TFDP2: variants seen among roughly 807,000 people sequenced by gnomAD.
TFDP2 encodes the protein transcription factor Dp-2 (E2F dimerization partner 2).
A neutral mutation model predicts 59.3 loss-of-function variants in TFDP2; 17 were observed. The ratio of observed to expected loss-of-function variants is 0.29; its 90% CI spans 0.20 to 0.43. The LOEUF is 0.43. Ranked by LOEUF, TFDP2 falls within the 20% of genes least tolerant of loss-of-function variation. TFDP2 has a pLI of 1.00. For synonymous variants in TFDP2, 180 were observed against 194.7 expected, an observed-to-expected ratio of 0.92 and a Z score of 0.63; for missense variants, 391 against 528.8, an observed-to-expected ratio of 0.74 and a Z score of 2.56.
intron 3 of TFDP2, among the ~76,000 whole-genome samples, chr3:142,013,248 T>C (rs1392899960): frequency 6.6e-6 from 1 of 152,180 alleles, no homozygotes; most frequent in East Asian, 1.9e-4. Flanking sequence ...ATGATTCTTA[T>C]AAGTAGTAAA....
chr3:142,062,255 C>T (rs1441209136), intron 3 of TFDP2, among the ~76,000 whole-genome samples: 1 of 151,894 alleles, frequency 6.6e-6, no homozygotes. Context: ...TTCATGTTAT[C>T]GGTAAGGCTT....
chr3:142,117,251 G>T (rs2061880895), intron 1 of TFDP2, among the ~76,000 whole-genome samples: 1 of 152,062 alleles, frequency 6.6e-6, no homozygotes, highest in East Asian at 1.9e-4. Flanking sequence ...TTCCAGGTTT[G>T]TAGAACAATG....
intron 2 of TFDP2, among the ~76,000 whole-genome samples, chr3:142,096,012 T>A (rs1178567301): frequency 6.6e-6 from 1 of 152,234 alleles, no homozygotes; most frequent in Non-Finnish European, 1.5e-5. Context: ...AGAGTTCAGT[T>A]ACTGGGTTAC....
In TFDP2 at chr3:141,988,883, G is replaced by A. The variant is rs545930923; in HGVS notation, c.356+4655C>T. On this transcript the variant is annotated intron_variant, in intron 6 of 12. Transcript: ENST00000489671. ...TCACCATGTGGGCCAGGATGGTCTC[G>A]AACTGATCCGCCTGCCTCAGCCTCC... Among the ~76,000 whole-genome samples, 95 of 151,594 alleles carry A rather than the reference G, an allele frequency of 6.3e-4. 3 individuals are homozygous for A. The highest frequency in any genetic ancestry group is 6.8e-3 in the Middle Eastern group (2 of 294).
chr3:141,944,838 T>C lies in TFDP2; in HGVS notation c.*7675A>G, dbSNP rs1262943379. The stretch of plus-strand genomic sequence containing the variant: ...CTATAAAATTTCCATATAAAAATAA[T>C]GGCATTTATTTACAAAGTCTGAGAT... On this transcript the variant is annotated 3_prime_UTR_variant, in exon 13 of 13. Coordinates refer to ENST00000489671, the MANE Select transcript of TFDP2 (RefSeq NM_001178139.2). 6.6e-6 allele frequency: 1 copy of C among 152,208 alleles called. No homozygotes were observed. Among genetic ancestry groups the C allele is most frequent in the Non-Finnish European group, 1.5e-5 (1 of 68,042 alleles). The allele number at this position is 152,208 out of a possible 1,614,324, so 9.4% of individuals were successfully genotyped here. A position where few individuals can be genotyped will look rare whatever the true frequency, so the allele number is the denominator to read the frequency against.
chr3:142,011,931 G>A (rs143887735), intron 3 of TFDP2, among the ~76,000 whole-genome samples: 235 of 152,018 alleles, frequency 1.5e-3, no homozygotes, highest in African/African-American at 5.3e-3. Flanking sequence ...TAATTAGAGA[G>A]GAATAAACTG....
intron 3 of TFDP2, among the ~76,000 whole-genome samples, chr3:142,058,540 G>A (rs1366445763): frequency 1.3e-5 from 2 of 152,086 alleles, no homozygotes; most frequent in South Asian, 2.1e-4. Flanking sequence ...CAAATTTGAG[G>A]GTTCCCATGA....
intron 7 of TFDP2, among the ~76,000 whole-genome samples, chr3:141,975,576 G>C (rs115988151): frequency 0.074 from 11,280 of 151,758 alleles, 520 homozygotes; most frequent in Non-Finnish European, 0.11. Context: ...TGACTGTAAT[G>C]CCAGCTACTC....
At chr3:142,026,557 G>T (rs892041323) in intron 3 of TFDP2, among the ~76,000 whole-genome samples, 3 of 152,150 alleles carry the variant, frequency 2.0e-5, no homozygotes, top group African/African-American at 7.2e-5. Context: ...CCAGTGTAGG[G>T]TATGGCAAAT....
At chr3:142,097,649 C>G (rs886597450) in intron 2 of TFDP2, among the ~76,000 whole-genome samples, 1 of 152,168 alleles carries the variant, frequency 6.6e-6, no homozygotes, top group Non-Finnish European at 1.5e-5. Flanking sequence ...CATGCCACTG[C>G]ACTCCAGCCG....
At chr3:141,965,531 G>A (rs1009204580) in intron 9 of TFDP2, among the ~76,000 whole-genome samples, 6 of 128,586 alleles carry the variant, frequency 4.7e-5, no homozygotes, top group Non-Finnish European at 6.5e-5. Flanking sequence ...GAAAAGAAGG[G>A]AAGAGAAGGG....
chr3:142,112,393 C>A (rs191669213), intron 1 of TFDP2, among the ~76,000 whole-genome samples: 2 of 152,320 alleles, frequency 1.3e-5, no homozygotes, highest in Admixed American at 6.5e-5. Flanking sequence ...ACGCAGCTTT[C>A]ACAAAACCAT....
At chr3:142,077,324 C>T (rs1183569810) in intron 3 of TFDP2, among the ~76,000 whole-genome samples, 1 of 152,158 alleles carries the variant, frequency 6.6e-6, no homozygotes, top group African/African-American at 2.4e-5. Flanking sequence ...ATCGGGGGCA[C>T]ACAACCTAGT....
intron 3 of TFDP2, among the ~76,000 whole-genome samples, chr3:142,071,436 G>A (rs1260701160): frequency 3.3e-5 from 5 of 152,162 alleles, no homozygotes; most frequent in Non-Finnish European, 2.9e-5. Flanking sequence ...AGGAATACAC[G>A]CGTGAGCCAC....
At chr3:142,052,051 A>G (rs1576844940) in intron 3 of TFDP2, among the ~76,000 whole-genome samples, 1 of 152,100 alleles carries the variant, frequency 6.6e-6, no homozygotes, top group Admixed American at 6.6e-5. Context: ...GCTTGAGCCC[A>G]GGAGGTCAAG....
rs1382992016 is a variant in TFDP2, at chr3:141,952,100, C to CA, written c.*412dup. The stretch of plus-strand genomic sequence containing the variant: ...TCTGCCTTGTCAAAGGCAGTCCAGG[C>CA]AAGGAAGAGAAACGTCAGAAACACG... On this transcript the variant is annotated 3_prime_UTR_variant, in exon 13 of 13. Coordinates refer to ENST00000489671, the MANE Select transcript of TFDP2 (RefSeq NM_001178139.2). 6.5e-6 allele frequency: 1 copy of CA among 154,486 alleles called. No individual in the cohort carries two copies. Among genetic ancestry groups the CA allele is most frequent in the Non-Finnish European group, 1.4e-5 (1 of 69,516 alleles). The allele number at this position is 154,486 out of a possible 1,614,324, so 9.6% of individuals were successfully genotyped here.
chr3:142,060,877 C>G (rs904460092), intron 3 of TFDP2, among the ~76,000 whole-genome samples: 5 of 152,218 alleles, frequency 3.3e-5, no homozygotes, highest in Admixed American at 3.3e-4. Context: ...CTGATGACAA[C>G]AGCCGACAGA....
chr3:142,047,736 C>CTTTTTTTTTTTTTTTTTTTTTTTTATTT (rs10707832), intron 3 of TFDP2, among the ~76,000 whole-genome samples: 1 of 112,478 alleles, frequency 8.9e-6, no homozygotes. Context: ...AACTAATATG[C>CTTTTTTTTTTTTTTTTTTTTTTTTATTT]TTTTTTTTTT....
rs1343186609 is a variant in TFDP2 at position 141,946,015 on chromosome 3, C to T, written c.*6498G>A. 1 of 152,246 alleles carries T rather than the reference C, an allele frequency of 6.6e-6. No homozygotes were observed. Among genetic ancestry groups the T allele is most frequent in the African/African-American group, 2.4e-5 (1 of 41,436 alleles). The allele number at this position is 152,246 out of a possible 1,614,324, so 9.4% of individuals were successfully genotyped here. A position where few individuals can be genotyped will look rare whatever the true frequency, so the allele number is the denominator to read the frequency against. ...CTGACACCACAGCCTCATGCTGGGG[C>T]TCGGGAAAGGAGTCCCACTTCTACC... On this transcript the variant is annotated 3_prime_UTR_variant, in exon 13 of 13. Coordinates refer to ENST00000489671, the MANE Select transcript of TFDP2 (RefSeq NM_001178139.2).
Sources: gnomAD v4.1 joint callset for allele counts (sites outside exome capture counted in the v4.1 genomes callset) on GRCh38, gnomAD v4.1.1 for gene constraint, MANE v1.5 for transcripts, NCBI Gene and HGNC (gene_info 2026-07-23, HGNC 2026-07-21) for gene names.